Variants in SGTB observed in about 807,000 individuals in gnomAD.
SGTB encodes small glutamine-rich tetratricopeptide repeat-containing protein beta.
SGTB carries 19 observed loss-of-function variants against 43.9 expected under a neutral mutation model. The ratio of observed to expected loss-of-function variants is 0.43; its 90% CI spans 0.30 to 0.63. The LOEUF is 0.63. Ranked by LOEUF, SGTB falls within the 30% of genes least tolerant of loss-of-function variation. The pLI, the probability that SGTB is intolerant of heterozygous loss-of-function variation, is 0.12. For missense variants in SGTB, 304 were observed against 358.9 expected (o/e 0.85, Z 1.24); for synonymous variants, 116 against 117.3 (o/e 0.99, Z 0.07).
rs1006504016 is a variant in SGTB, at chr5:65,666,426, T to C, written c.*3820A>G. 2.0e-5 allele frequency: 3 copies of C among 152,230 alleles called. No individual in the cohort carries two copies. Among genetic ancestry groups the C allele is most frequent in the African/African-American group, 4.8e-5 (2 of 41,468 alleles). The allele number at this position is 152,230 out of a possible 1,614,324, so 9.4% of individuals were successfully genotyped here. On this transcript the variant is annotated 3_prime_UTR_variant, in exon 11 of 11. Coordinates refer to ENST00000381007, the MANE Select transcript of SGTB (RefSeq NM_019072.3). ...TGCATATATAGAACCTGTTCTGTTT[T>C]ACACAGTATCATAATAGCTACAGCT...
chr5:65,683,894 T>G (rs531514778), intron 6 of SGTB, among the ~76,000 whole-genome samples: 1 of 149,258 alleles, frequency 6.7e-6, no homozygotes, highest in South Asian at 2.1e-4. Flanking sequence ...TGCAGTAAGC[T>G]GAGATCGCGC....
At chr5:65,710,769 A>T (rs1579884064) in intron 3 of SGTB, among the ~76,000 whole-genome samples, 1 of 152,244 alleles carries the variant, frequency 6.6e-6, no homozygotes, top group African/African-American at 2.4e-5. Context: ...AGGCGGGCGG[A>T]TCATGAGGTC....
intron 4 of SGTB, among the ~76,000 whole-genome samples, chr5:65,706,328 G>T (rs1757932898): frequency 6.6e-6 from 1 of 152,064 alleles, no homozygotes; most frequent in South Asian, 2.1e-4. Flanking sequence ...AATTTTCTGG[G>T]TTATTGAGAC....
intron 5 of SGTB, 89 bp from the exon 6 acceptor site, chr5:65,685,561 G>T: frequency 2.0e-6 from 2 of 993,134 alleles, no homozygotes; most frequent in South Asian, 1.6e-5. Flanking sequence ...CCTTTTTCTT[G>T]TTCCAATTTG....
At chr5:65,688,299 T>A (rs1757537144) in intron 5 of SGTB, among the ~76,000 whole-genome samples, 1 of 152,224 alleles carries the variant, frequency 6.6e-6, no homozygotes, top group African/African-American at 2.4e-5. Context: ...AAGGCAATAC[T>A]ATCTGCAAAT....
chr5:65,674,953 T>C (rs37327), intron 8 of SGTB, among the ~76,000 whole-genome samples: 49,638 of 152,096 alleles, frequency 0.33, 8,459 homozygotes, highest in Non-Finnish European at 0.37. Context: ...GAATGAGTCA[T>C]CTGTGCATTT....
intron 1 of SGTB, among the ~76,000 whole-genome samples, chr5:65,721,229 T>C (rs1036644693): frequency 6.6e-6 from 1 of 152,236 alleles, no homozygotes; most frequent in Non-Finnish European, 1.5e-5. Flanking sequence ...CTCTTTTTCA[T>C]GGGATCTAAA....
At chr5:65,699,723 G>T (rs1399711340) in intron 5 of SGTB, among the ~76,000 whole-genome samples, 2 of 152,198 alleles carry the variant, frequency 1.3e-5, no homozygotes, top group Non-Finnish European at 2.9e-5. Flanking sequence ...CTTCCAAAGT[G>T]CTGGGATTAT....
chr5:65,688,896 G>A (rs1757549342), intron 5 of SGTB, among the ~76,000 whole-genome samples: 1 of 152,148 alleles, frequency 6.6e-6, no homozygotes. Flanking sequence ...TGCAAGCTCC[G>A]CCTCCTGGGT....
chr5:65,713,645 A>C (rs1165905833), intron 2 of SGTB, among the ~76,000 whole-genome samples: 1 of 152,170 alleles, frequency 6.6e-6, no homozygotes, highest in Non-Finnish European at 1.5e-5. Context: ...TCCTCACTTA[A>C]GGAAAAATGT....
At chr5:65,672,706 G>C (rs2150702132) in intron 8 of SGTB, among the ~76,000 whole-genome samples, 1 of 152,260 alleles carries the variant, frequency 6.6e-6, no homozygotes, top group African/African-American at 2.4e-5. Context: ...AGTGGCACAA[G>C]GAATTATATT....
intron 8 of SGTB, among the ~76,000 whole-genome samples, chr5:65,674,946 TG>T (rs1757237319): frequency 6.6e-6 from 1 of 152,244 alleles, no homozygotes; most frequent in Admixed American, 6.5e-5. Flanking sequence ...TCACTGGGAA[TG>T]AGTCATCTGT....
In SGTB at chr5:65,667,570, G is replaced by A. The variant is rs77942292; in HGVS notation, c.*2676C>T. 2.0e-5 allele frequency: 3 copies of A among 152,298 alleles called. No homozygotes were observed. Among genetic ancestry groups the A allele is most frequent in the South Asian group, 2.1e-4 (1 of 4,832 alleles). 9.4% of individuals were successfully genotyped at this position (152,298 alleles called of 1,614,324 possible). On this transcript the variant is annotated 3_prime_UTR_variant, in exon 11 of 11. Transcript: ENST00000381007. ...AATATGAATTTAACTTCTGAGGGCC[G>A]AAGACTTAAATTGTGCTCTTTTTAA...
At chr5:65,705,274 C>CT (rs1554025820) in intron 4 of SGTB, among the ~76,000 whole-genome samples, 1 of 151,374 alleles carries the variant, frequency 6.6e-6, no homozygotes, top group Non-Finnish European at 1.5e-5. Flanking sequence ...GGGACCCCCC[C>CT]TCATCTCAAC....
At chr5:65,680,402 C>T in intron 8 of SGTB, 92 bp downstream of exon 8, 2 of 1,341,144 alleles carry the variant, frequency 1.5e-6, no homozygotes, top group East Asian at 4.8e-5. Flanking sequence ...CAACCACCAC[C>T]ACAAAAACTC....
At chr5:65,707,587 A>G (rs1757959767) in intron 4 of SGTB, among the ~76,000 whole-genome samples, 1 of 151,666 alleles carries the variant, frequency 6.6e-6, no homozygotes, top group African/African-American at 2.4e-5. Flanking sequence ...GGCACATACC[A>G]CCATGCCCAG....
chr5:65,672,218 G>T (rs758514751), intron 9 of SGTB, 26 bp downstream of exon 9: 2 of 1,613,684 alleles, frequency 1.2e-6, no homozygotes, highest in Admixed American at 3.3e-5. Flanking sequence ...TTGGGGAAGT[G>T]TAATAAGCTC....
chr5:65,693,942 CAT>C (rs1180881531), intron 5 of SGTB, among the ~76,000 whole-genome samples: 1 of 152,174 alleles, frequency 6.6e-6, no homozygotes, highest in African/African-American at 2.4e-5. Context: ...CACCTAGCCA[CAT>C]GTGACTAATG....
Position 65,693,363 on chromosome 5 carries a change from AAAAG to A in SGTB, c.375-7895_375-7892del, listed in dbSNP as rs201521978. Among the ~76,000 whole-genome samples, 36 of 147,742 alleles carry A rather than the reference AAAAG, an allele frequency of 2.4e-4. No homozygotes were observed. In the East Asian group the frequency reaches 3.0e-3, roughly 12 times the overall value. Reference sequence around the variant, plus strand: ...GGAGGGAAGGAAGGAAGGAAGGAGAAAAAGAAAGAAAGAGAAAGGGAGGGAGGGA... The same window carrying A: ...GGAGGGAAGGAAGGAAGGAAGGAGAAAAAGAAAGAGAAAGGGAGGGAGGGA... On this transcript the variant is annotated intron_variant, in intron 5 of 10. Coordinates refer to ENST00000381007, the MANE Select transcript of SGTB (RefSeq NM_019072.3).
Sources: allele counts gnomAD v4.1 joint callset (sites outside exome capture counted in the v4.1 genomes callset), GRCh38; gene constraint gnomAD v4.1.1; transcripts MANE v1.5; gene names NCBI Gene and HGNC (gene_info 2026-07-23, HGNC 2026-07-21).